Variants in KIF21B observed in about 807,000 individuals in gnomAD.
KIF21B encodes kinesin-like protein KIF21B.
A neutral mutation model predicts 192.9 loss-of-function variants in KIF21B; 85 were observed. The observed-to-expected ratio is 0.44, with a 90% CI of 0.37 to 0.53. The LOEUF is 0.53. KIF21B is among the 20% of genes least tolerant of loss of function. The pLI is 0.00. For missense variants in KIF21B, 1,716 were observed against 2,194.8 expected (o/e 0.78, Z 4.36); for synonymous variants, 832 against 884.6 (o/e 0.94, Z 1.05).
rs919453145 is a variant in KIF21B at position 200,982,022 on chromosome 1, G to A, written c.3843-926C>T. Reference sequence around the variant, plus strand: ...CTCCTGACAGTGACTCTGGCCAAGGGTCTACTGAAATGATCAAGGTTTTGC... The same window carrying A: ...CTCCTGACAGTGACTCTGGCCAAGGATCTACTGAAATGATCAAGGTTTTGC... On this transcript the variant is annotated intron_variant, in intron 28 of 34. Coordinates refer to ENST00000461742, the MANE Select transcript of KIF21B (RefSeq NM_001252102.2). The surrounding 1 kb of genome is among the most constrained non-coding windows in gnomAD (Gnocchi z 4.7). Among the ~76,000 whole-genome samples the A allele has an allele frequency of 6.6e-6, 1 of 152,112 alleles. No individual in the cohort carries two copies. Among genetic ancestry groups the A allele is most frequent in the African/African-American group, 2.4e-5 (1 of 41,418 alleles).
intron 1 of KIF21B, among the ~76,000 whole-genome samples, chr1:201,010,827 G>A (rs375142653): frequency 4.5e-4 from 68 of 152,232 alleles, no homozygotes; most frequent in African/African-American, 1.6e-3. Context: ...GGCTGGGAAA[G>A]GTGCTCACCT....
At position 201,002,313 on chromosome 1, in the gene KIF21B, T is replaced by G; in HGVS notation, c.1250A>C (p.Tyr417Ser). Residue 417 changes from tyrosine (Y) to serine (S), a missense_variant, in exon 9 of 35, where the codon TAT (tyrosine) becomes TCT (serine). Coordinates refer to ENST00000461742, the MANE Select transcript of KIF21B (RefSeq NM_001252102.2). ...RVIGEDGAEG[Y>S]SDLFRENAML... ...GGCATTCTCTCGGAACAGATCACTA[T>G]AGCCCTCAGCGCCATCCTCTCCTAT... 1.2e-6 allele frequency: 2 copies of G among 1,614,208 alleles called. No homozygotes were observed. Among genetic ancestry groups the G allele is most frequent in the Non-Finnish European group, 1.7e-6 (2 of 1,180,038 alleles).
Position 201,005,603 on chromosome 1 carries a change from G to C in KIF21B, c.539C>G (p.Ala180Gly). Reference protein sequence around the residue: ...RRSNIKIHEDANGGIYTTGVT... With the variant: ...RRSNIKIHEDGNGGIYTTGVT... The stretch of plus-strand genomic sequence containing the variant: ...GCCAGTGGTGTAGATGCCACCGTTT[G>C]CGTCCTCGTGGATCTTGATGTTGGA... The change falls in exon 4 of 35, where the codon GCA becomes GGA. Residue 180 changes from alanine (A) to glycine (G), a missense_variant. Physicochemically the swap from Ala to Gly is moderately conservative, Grantham distance 60 (BLOSUM62 0). This residue lies in a region of KIF21B where 1,087 missense variants were observed against 1,316.6 expected (regional missense o/e 0.83). Transcript: ENST00000461742. The C allele has an allele frequency of 6.2e-7, 1 of 1,614,210 alleles. No individual in the cohort carries two copies. The highest frequency in any genetic ancestry group is 8.5e-7 in the Non-Finnish European group (1 of 1,180,036).
At chr1:200,986,733 C>G in intron 26 of KIF21B, 111 bp downstream of exon 26, 1 of 968,512 alleles carries the variant, frequency 1.0e-6, no homozygotes, top group African/African-American at 1.6e-5. Context: ...CAAGCTGGCC[C>G]AGGTTACACT....
rs1331676718 is a variant in KIF21B, at chr1:201,004,868, A to G, written c.798T>C (p.Thr266=). 1.2e-6 allele frequency: 2 copies of G among 1,614,162 alleles called. No homozygotes were observed. The highest frequency in any genetic ancestry group is 3.3e-5 in the Admixed American group (2 of 60,016). Residue 266 remains threonine, a synonymous_variant, in exon 6 of 35, where the codon ACT becomes ACC. Transcript: ENST00000461742. ...CCAGGTCCACAAAGTGAAACTTAGC[A>G]GTGAGTGTCTCATACTCACTCGAGG... ...TPPSSEYETL[T]AKFHFVDLAG... is the part of the protein sequence containing the mutation.
chr1:200,977,015 G>C (rs1021812819), intron 31 of KIF21B, 122 bp from the exon 32 acceptor site: 36 of 975,758 alleles, frequency 3.7e-5, no homozygotes, highest in Non-Finnish European at 5.1e-5. Flanking sequence ...TCTCGCTCAA[G>C]GCAAGATCAA....
intron 1 of KIF21B, among the ~76,000 whole-genome samples, chr1:201,010,522 A>T (rs772503721): frequency 2.0e-5 from 3 of 152,074 alleles, no homozygotes; most frequent in Non-Finnish European, 4.4e-5. Context: ...GTGTACAGGG[A>T]TTGGCGGAAA....
intron 14 of KIF21B, among the ~76,000 whole-genome samples, chr1:200,997,436 C>A (rs867629721): frequency 6.6e-6 from 1 of 152,162 alleles, no homozygotes; most frequent in Non-Finnish European, 1.5e-5. Flanking sequence ...GAAGTCTTCA[C>A]GACCATCCTT....
At position 200,999,802 on chromosome 1, in the gene KIF21B, G is replaced by C; in HGVS notation, c.1767+81C>G. 7.2e-7 allele frequency: 1 copy of C among 1,379,722 alleles called. No homozygotes were observed. Among genetic ancestry groups the C allele is most frequent in the Non-Finnish European group, 1.0e-6 (1 of 973,912 alleles). The allele number at this position is 1,379,722 out of a possible 1,614,324, so 85.5% of individuals were successfully genotyped here. ...CAACCGCCTCCTTCACTCCATACAAGGATGCGGATGGGGCCCCCGCCAACC... is the reference window on the plus strand; with the variant it reads ...CAACCGCCTCCTTCACTCCATACAACGATGCGGATGGGGCCCCCGCCAACC... On this transcript the variant is annotated intron_variant, in intron 12 of 34. Coordinates refer to ENST00000461742, the MANE Select transcript of KIF21B (RefSeq NM_001252102.2). This position sits in a 1 kb window ranked among gnomAD's most constrained non-coding sequence, Gnocchi z 4.7.
chr1:201,009,125 C>T (rs1658087967), intron 2 of KIF21B, 141 bp downstream of exon 2: 2 of 1,108,544 alleles, frequency 1.8e-6, no homozygotes, highest in Admixed American at 2.5e-5. Flanking sequence ...CCTCTGCTAA[C>T]CAGCGGTGCA....
intron 1 of KIF21B, among the ~76,000 whole-genome samples, chr1:201,010,245 C>T (rs1456157388): frequency 6.6e-6 from 1 of 152,154 alleles, no homozygotes; most frequent in Non-Finnish European, 1.5e-5. Context: ...GAGGGCAGAC[C>T]TGCATAGCTG....
intron 1 of KIF21B, among the ~76,000 whole-genome samples, chr1:201,018,727 A>G (rs1658652667): frequency 6.6e-6 from 1 of 152,190 alleles, no homozygotes. Context: ...TAGCCAGCTG[A>G]ATGGGATGCT....
At chr1:200,997,520 G>A (rs1288269201) in intron 14 of KIF21B, among the ~76,000 whole-genome samples, 3 of 152,206 alleles carry the variant, frequency 2.0e-5, no homozygotes, top group Admixed American at 6.5e-5. Context: ...CAAGGAAGGC[G>A]GATCACAAGG....
At position 200,992,324 on chromosome 1, in the gene KIF21B, G is replaced by A. The variant is rs959484745; in HGVS notation, c.2343C>T (p.Asn781=). The change falls in exon 16 of 35, where the codon AAC becomes AAT. Residue 781 remains asparagine, a synonymous_variant. Transcript: ENST00000461742. The part of the protein sequence containing the change: ...QRRRLVETKR[N]REIAQLKKEQ... ...CCTTCTTGAGCTGTGCGATCTCCCG[G>A]TTCCTCTTGGTCTCCACTAGCCGCC... The A allele has an allele frequency of 3.1e-6, 5 of 1,613,090 alleles. No individual in the cohort carries two copies. The highest frequency in any genetic ancestry group is 3.4e-6 in the Non-Finnish European group (4 of 1,180,038).
At chr1:200,992,136 G>T in intron 16 of KIF21B, 146 bp downstream of exon 16, 1 of 676,920 alleles carries the variant, frequency 1.5e-6, no homozygotes, top group Non-Finnish European at 2.5e-6. Context: ...TGCTCTGACA[G>T]GCTGTACTGT....
At chr1:200,988,191 C>T in intron 24 of KIF21B, 105 bp downstream of exon 24, 3 of 1,167,128 alleles carry the variant, frequency 2.6e-6, no homozygotes, top group Non-Finnish European at 2.6e-6. Context: ...CTGGGGACAA[C>T]ATTGTGTTGT....
Position 200,982,846 on chromosome 1 carries a change from T to C in KIF21B, c.3842+210A>G, listed in dbSNP as rs562114677. ...CCCTCCCCAAGCCCCCAGCTCTAGC[T>C]GGCGCAGTCCAAGGCCTTGTGGCCA... On this transcript the variant is annotated intron_variant, in intron 28 of 34. Coordinates refer to ENST00000461742, the MANE Select transcript of KIF21B (RefSeq NM_001252102.2). This position sits in a 1 kb window ranked among gnomAD's most constrained non-coding sequence, Gnocchi z 4.7. Among the ~76,000 whole-genome samples the C allele has an allele frequency of 5.9e-5, 9 of 152,208 alleles. No homozygotes were observed. The highest frequency in any genetic ancestry group is 2.2e-4 in the African/African-American group (9 of 41,528).
intron 3 of KIF21B, 72 bp downstream of exon 3, chr1:201,008,697 A>G: frequency 1.4e-6 from 2 of 1,393,344 alleles, no homozygotes; most frequent in Non-Finnish European, 1.9e-6. Flanking sequence ...ACTGCACTGG[A>G]GGAAGGCCCG....
Position 200,999,796 on chromosome 1 carries a change from A to G in KIF21B, c.1767+87T>C. The G allele has an allele frequency of 7.5e-7, 1 of 1,335,544 alleles. No individual in the cohort carries two copies. The highest frequency in any genetic ancestry group is 1.1e-6 in the Non-Finnish European group (1 of 934,334). 82.7% of individuals were successfully genotyped at this position (1,335,544 alleles called of 1,614,324 possible). On this transcript the variant is annotated intron_variant, in intron 12 of 34. Coordinates refer to ENST00000461742, the MANE Select transcript of KIF21B (RefSeq NM_001252102.2). The surrounding 1 kb of genome is among the most constrained non-coding windows in gnomAD (Gnocchi z 4.7). ...CAGACCCAACCGCCTCCTTCACTCCATACAAGGATGCGGATGGGGCCCCCG... is the reference window on the plus strand; with the variant it reads ...CAGACCCAACCGCCTCCTTCACTCCGTACAAGGATGCGGATGGGGCCCCCG...
Sources: allele counts gnomAD v4.1 joint callset (sites outside exome capture counted in the v4.1 genomes callset), GRCh38; gene constraint gnomAD v4.1.1; regional missense constraint gnomAD v4.1.1; non-coding constraint Gnocchi (gnomAD v3.1); transcripts MANE v1.5; gene names NCBI Gene and HGNC (gene_info 2026-07-23, HGNC 2026-07-21).